Variants in AFF1 observed in about 807,000 individuals in gnomAD.
The protein encoded by AFF1 is AF4/FMR2 family member 1.
AFF1 carries 48 observed loss-of-function variants against 121.7 expected under a neutral mutation model. The observed-to-expected ratio is 0.39, with a 90% CI of 0.31 to 0.50. The LOEUF is 0.50. Ranked by LOEUF, AFF1 falls within the 20% of genes least tolerant of loss-of-function variation. AFF1 has a pLI of 0.76. For missense variants in AFF1, 1,523 were observed against 1,511.7 expected, an observed-to-expected ratio of 1.01 and a Z score of -0.12; for synonymous variants, 613 against 563.0, an observed-to-expected ratio of 1.09 and a Z score of -1.26.
At chr4:87,014,707 C>T (rs577012024) in intron 2 of AFF1, among the ~76,000 whole-genome samples, 1 of 152,360 alleles carries the variant, frequency 6.6e-6, no homozygotes, top group South Asian at 2.1e-4. Flanking sequence ...GTGGTCAAGA[C>T]AGACCCAAGA....
intron 4 of AFF1, among the ~76,000 whole-genome samples, chr4:87,068,010 T>C (rs1721550751): frequency 6.6e-6 from 1 of 152,236 alleles, no homozygotes; most frequent in African/African-American, 2.4e-5. Flanking sequence ...TAAAATTACA[T>C]GTTATGAGCT....
chr4:87,094,886 T>C (rs779869071), intron 7 of AFF1, 29 bp from the exon 8 acceptor site: 2 of 1,607,952 alleles, frequency 1.2e-6, no homozygotes, highest in Non-Finnish European at 1.7e-6. Context: ...TGTGTCATTG[T>C]GCTGCTTTGA....
At chr4:87,018,137 G>A (rs146313519) in intron 2 of AFF1, among the ~76,000 whole-genome samples, 2 of 152,258 alleles carry the variant, frequency 1.3e-5, no homozygotes, top group Admixed American at 6.5e-5. Flanking sequence ...CAATTCACAC[G>A]CATTAAGTGT....
intron 2 of AFF1, among the ~76,000 whole-genome samples, chr4:87,031,437 A>T (rs340640): frequency 0.93 from 140,931 of 150,920 alleles, 66,153 homozygotes; most frequent in Non-Finnish European, 0.98. Flanking sequence ...CTCTTAGCAT[A>T]TGTTTTTTTT....
chr4:87,090,391 G>T (rs372835331), intron 6 of AFF1, among the ~76,000 whole-genome samples: 2 of 152,158 alleles, frequency 1.3e-5, no homozygotes, highest in East Asian at 1.9e-4. Context: ...TTCTCGTTCA[G>T]AATTAGATAT....
At chr4:86,973,711 T>C (rs1723096167) in intron 2 of AFF1, 1 of 152,126 alleles carries the variant, frequency 6.6e-6, no homozygotes, top group Non-Finnish European at 1.5e-5. Context: ...TAACGTTTTC[T>C]TTCTTTTCTT....
chr4:87,115,136 T>G lies in AFF1; in HGVS notation c.2303T>G (p.Leu768Trp). The G allele has an allele frequency of 6.2e-7, 1 of 1,614,084 alleles. No homozygotes were observed. The highest frequency in any genetic ancestry group is 2.2e-5 in the East Asian group (1 of 44,862). Reference protein sequence around the residue: ...PLRDTPPPQSLMVKITLDLLS... With the variant: ...PLRDTPPPQSWMVKITLDLLS... ...AGGGACACTCCTCCCCCACAAAGCT[T>G]GATGGTGAAGATCACCCTAGACCTG... The change falls in exon 12 of 21, where the codon TTG becomes TGG. Residue 768 changes from leucine (L) to tryptophan (W), a missense_variant. Coordinates refer to ENST00000395146, the MANE Select transcript of AFF1 (RefSeq NM_001166693.3).
intron 2 of AFF1, among the ~76,000 whole-genome samples, chr4:86,990,212 G>A (rs1724595647): frequency 6.6e-6 from 1 of 151,798 alleles, no homozygotes; most frequent in Non-Finnish European, 1.5e-5. Flanking sequence ...GCCAGGTGGG[G>A]TGGCTTATGC....
chr4:87,084,150 G>A lies in AFF1; in HGVS notation c.1090G>A (p.Glu364Lys). The change falls in exon 5 of 21, where the codon GAA becomes AAA. Residue 364 changes from glutamate to lysine, a missense_variant. By Grantham distance (56) the Glu-to-Lys change is moderately conservative. This residue lies in a region of AFF1 where 905 missense variants were observed against 842.5 expected (regional missense o/e 1.07). Transcript: ENST00000395146. ...QTYSNEVHCV[E>K]EILKEMTHSW... is the part of the protein sequence containing the mutation. Reference sequence around the variant, plus strand: ...CTACTCCAATGAAGTCCATTGTGTTGAAGAGATTCTGAAGGTGAGTTCACT... The same window carrying A: ...CTACTCCAATGAAGTCCATTGTGTTAAAGAGATTCTGAAGGTGAGTTCACT... 1 of 1,613,828 alleles carries A rather than the reference G, an allele frequency of 6.2e-7. No homozygotes were observed.
chr4:86,985,340 G>A, intron 2 of AFF1, among the ~76,000 whole-genome samples: 1 of 150,780 alleles, frequency 6.6e-6, no homozygotes, highest in Non-Finnish European at 1.5e-5. Context: ...GCAAAACCCT[G>A]TCTCTACTAA....
chr4:87,136,765 TAGAG>T lies in AFF1; in HGVS notation c.*1067_*1070del, dbSNP rs566047627. ...AACAAGAAACATGAAATCTGCTTCT[TAGAG>T]AGGCTATATTTTTCTGCTACAAATA... On this transcript the variant is annotated 3_prime_UTR_variant, in exon 21 of 21. Transcript: ENST00000395146. The T allele has an allele frequency of 1.4e-4, 31 of 226,608 alleles. No homozygotes were observed. In the South Asian group the frequency reaches 1.5e-3, roughly 11 times the overall value. The allele number at this position is 226,608 out of a possible 1,614,324, so 14.0% of individuals were successfully genotyped here. A position where few individuals can be genotyped will look rare whatever the true frequency, so the allele number is the denominator to read the frequency against.
Position 87,047,027 on chromosome 4 carries a change from G to C in AFF1, c.492G>C (p.Gln164His), listed in dbSNP as rs1452289613. Residue 164 changes from glutamine (Q) to histidine (H), a missense_variant, in exon 4 of 21, where the codon CAG (glutamine) becomes CAC (histidine). Gln to His is a conservative substitution (Grantham distance 24). This residue lies in a region of AFF1 where 369 missense variants were observed against 367.2 expected (regional missense o/e 1.00). Coordinates refer to ENST00000395146, the MANE Select transcript of AFF1 (RefSeq NM_001166693.3). Reference protein sequence around the residue: ...HAKSCGPPDSQHLTQDRLGQE... With the variant: ...HAKSCGPPDSHHLTQDRLGQE... ...AAAGCTGCGGCCCACCGGACAGCCA[G>C]CACCTGACCCAGGATCGCCTTGGTC... 1.9e-6 allele frequency: 3 copies of C among 1,614,050 alleles called. No individual in the cohort carries two copies. The African/African-American group carries it at 4.0e-5, about 22-fold the overall frequency.
At chr4:86,980,241 A>G (rs1302666707) in intron 2 of AFF1, among the ~76,000 whole-genome samples, 5 of 152,196 alleles carry the variant, frequency 3.3e-5, no homozygotes, top group African/African-American at 9.7e-5. Flanking sequence ...ATACACTGGC[A>G]AAATATGAAA....
intron 10 of AFF1, among the ~76,000 whole-genome samples, chr4:87,107,599 G>A (rs1222563737): frequency 6.6e-6 from 1 of 152,172 alleles, no homozygotes; most frequent in African/African-American, 2.4e-5. Context: ...TTCTTGTTTA[G>A]AGAATATAGG....
chr4:86,950,818 A>G (rs911803034), intron 2 of AFF1, among the ~76,000 whole-genome samples: 1 of 152,190 alleles, frequency 6.6e-6, no homozygotes, highest in African/African-American at 2.4e-5. Context: ...GTTTATTCAT[A>G]ATGTTGGGTT....
intron 2 of AFF1, 43 bp from the exon 3 acceptor site, chr4:87,046,121 CTG>C: frequency 6.2e-7 from 1 of 1,606,070 alleles, no homozygotes; most frequent in Non-Finnish European, 8.5e-7. Context: ...AACTTGGAGA[CTG>C]ATAAATTTTA....
chr4:87,026,184 A>G (rs1369536047), intron 2 of AFF1, among the ~76,000 whole-genome samples: 3 of 151,764 alleles, frequency 2.0e-5, no homozygotes, highest in African/African-American at 7.3e-5. Flanking sequence ...CAGCCTGGGC[A>G]ACAAGAGTGA....
intron 8 of AFF1, among the ~76,000 whole-genome samples, chr4:87,105,128 A>G (rs1415072300): frequency 6.6e-6 from 1 of 152,208 alleles, no homozygotes; most frequent in Non-Finnish European, 1.5e-5. Context: ...TGTGCCTGGC[A>G]CTGTTCTGAG....
At chr4:86,997,137 C>T (rs1725278035) in intron 2 of AFF1, among the ~76,000 whole-genome samples, 1 of 152,108 alleles carries the variant, frequency 6.6e-6, no homozygotes, top group Non-Finnish European at 1.5e-5. Flanking sequence ...GTCTCGAACT[C>T]CTGAGGTCAG....
Sources: allele counts gnomAD v4.1 joint callset (sites outside exome capture counted in the v4.1 genomes callset), GRCh38; gene constraint gnomAD v4.1.1; regional missense constraint gnomAD v4.1.1; transcripts MANE v1.5; gene names NCBI Gene and HGNC (gene_info 2026-07-23, HGNC 2026-07-21).